Variants in GPC5 observed in about 807,000 individuals in gnomAD.
The protein encoded by GPC5 is glypican-5.
In GPC5, 47 loss-of-function variants were observed where a neutral mutation model predicts 53.9. That is an observed-to-expected ratio of 0.87 (90% CI 0.69 to 1.11). GPC5 has a LOEUF of 1.11. Among genes scored for constraint, GPC5 ranks in the 50% most tolerant of loss-of-function variants. GPC5 has a pLI of 0.00. For synonymous variants in GPC5, 286 were observed against 263.3 expected (o/e 1.09, Z -0.84); for missense variants, 748 against 713.1 (o/e 1.05, Z -0.56).
At chr13:92,378,716 T>C (rs2043714612) in intron 7 of GPC5, among the ~76,000 whole-genome samples, 1 of 152,220 alleles carries the variant, frequency 6.6e-6, no homozygotes, top group Non-Finnish European at 1.5e-5. Context: ...TTGCATTCAT[T>C]ACAATTAAAA....
intron 6 of GPC5, among the ~76,000 whole-genome samples, chr13:91,912,056 G>T (rs1157005297): frequency 6.6e-6 from 1 of 152,152 alleles, no homozygotes; most frequent in Non-Finnish European, 1.5e-5. Flanking sequence ...ATTGTATAAA[G>T]TTGTCACCTT....
intron 2 of GPC5, among the ~76,000 whole-genome samples, chr13:91,458,724 T>C (rs1182614548): frequency 6.6e-6 from 1 of 152,074 alleles, no homozygotes; most frequent in Non-Finnish European, 1.5e-5. Context: ...GGAAAAGAAG[T>C]CATTATATGA....
intron 7 of GPC5, among the ~76,000 whole-genome samples, chr13:92,417,090 G>A (rs771527239): frequency 5.3e-5 from 8 of 152,164 alleles, no homozygotes; most frequent in Non-Finnish European, 1.2e-4. Context: ...AAGTCAAGGA[G>A]TGCACTGAAT....
chr13:92,685,561 T>TTTTTTTTTTTTAAA (rs1491180415), intron 7 of GPC5, among the ~76,000 whole-genome samples: 1 of 100,904 alleles, frequency 9.9e-6, no homozygotes, highest in African/African-American at 3.5e-5. Context: ...TTTTTTTTAA[T>TTTTTTTTTTTTAAA]TTTTTTTTTT....
intron 5 of GPC5, among the ~76,000 whole-genome samples, chr13:91,788,827 G>A (rs80129226): frequency 6.6e-6 from 1 of 152,148 alleles, no homozygotes; most frequent in African/African-American, 2.4e-5. Context: ...AATACATTTG[G>A]GGGGAATAAA....
At position 92,866,368 on chromosome 13, in the gene GPC5, T is replaced by A; in HGVS notation, c.1648T>A (p.Cys550Ser). ...TACTTTAGACACAACAGGAGCAGGA[T>A]GTGCAGTGGCGACTGAATCTATGAC... ...GSTLDTTGAG[C>S]AVATESMTFT... is the part of the protein sequence containing the mutation. Residue 550 changes from cysteine to serine, a missense_variant, in exon 8 of 8, where the codon TGT (cysteine) becomes AGT (serine). Physicochemically the swap from Cys to Ser is moderately radical, Grantham distance 112. Transcript: ENST00000377067. 3.1e-6 allele frequency: 5 copies of A among 1,613,130 alleles called. No homozygotes were observed. Among genetic ancestry groups the A allele is most frequent in the South Asian group, 1.1e-5 (1 of 91,020 alleles).
chr13:92,842,206 A>G (rs1878452439), intron 7 of GPC5, among the ~76,000 whole-genome samples: 1 of 152,138 alleles, frequency 6.6e-6, no homozygotes, highest in Admixed American at 6.6e-5. Flanking sequence ...CCCAACTTAC[A>G]AACTAACAAA....
chr13:92,667,863 ATTG>A (rs1233469640), intron 7 of GPC5, among the ~76,000 whole-genome samples: 2 of 152,160 alleles, frequency 1.3e-5, no homozygotes, highest in Non-Finnish European at 2.9e-5. Context: ...TTATTCTATA[ATTG>A]TTGTTAACCT....
At chr13:91,896,778 A>C (rs890031816) in intron 5 of GPC5, among the ~76,000 whole-genome samples, 3 of 152,196 alleles carry the variant, frequency 2.0e-5, no homozygotes, top group African/African-American at 7.2e-5. Context: ...TTAGGAATCT[A>C]AAAGTCCCTA....
intron 1 of GPC5, among the ~76,000 whole-genome samples, chr13:91,416,481 T>G (rs1181328369): frequency 7.1e-6 from 1 of 140,922 alleles, no homozygotes. Flanking sequence ...TATTATACTT[T>G]AAGTTCTAGG....
At chr13:92,807,355 T>C (rs1877134220) in intron 7 of GPC5, among the ~76,000 whole-genome samples, 1 of 152,108 alleles carries the variant, frequency 6.6e-6, no homozygotes, top group Non-Finnish European at 1.5e-5. Context: ...GCCATCTGTG[T>C]AGCTTGTTCA....
intron 7 of GPC5, among the ~76,000 whole-genome samples, chr13:92,808,469 G>T (rs9556218): frequency 0.16 from 23,909 of 151,846 alleles, 2,306 homozygotes; most frequent in East Asian, 0.33. Context: ...ATGATGGTGC[G>T]GGTGCTGGTG....
At chr13:92,454,612 A>G (rs1878191047) in intron 7 of GPC5, among the ~76,000 whole-genome samples, 1 of 152,176 alleles carries the variant, frequency 6.6e-6, no homozygotes, top group African/African-American at 2.4e-5. Flanking sequence ...GACAAGATAG[A>G]TGTGATCCCT....
intron 2 of GPC5, among the ~76,000 whole-genome samples, chr13:91,623,387 C>T (rs186457503): frequency 1.3e-5 from 2 of 152,126 alleles, no homozygotes; most frequent in African/African-American, 4.8e-5. Flanking sequence ...CTTCTCGAGA[C>T]CATGGTGCAA....
At chr13:91,517,331 G>A (rs913437055) in intron 2 of GPC5, among the ~76,000 whole-genome samples, 3 of 152,140 alleles carry the variant, frequency 2.0e-5, no homozygotes, top group African/African-American at 4.8e-5. Flanking sequence ...CACGCAAAGT[G>A]AATCATCTCT....
intron 7 of GPC5, among the ~76,000 whole-genome samples, chr13:92,632,800 G>C (rs2139135268): frequency 6.6e-6 from 1 of 152,238 alleles, no homozygotes; most frequent in African/African-American, 2.4e-5. Context: ...TACAATCCTG[G>C]TGAAAGGCAA....
intron 7 of GPC5, among the ~76,000 whole-genome samples, chr13:92,795,004 T>G (rs1016299594): frequency 6.6e-6 from 1 of 152,100 alleles, no homozygotes; most frequent in Non-Finnish European, 1.5e-5. Context: ...AAGCTACCAA[T>G]GACTTTCTTA....
chr13:91,538,985 A>C (rs1594225839), intron 2 of GPC5, among the ~76,000 whole-genome samples: 1 of 152,172 alleles, frequency 6.6e-6, no homozygotes, highest in Non-Finnish European at 1.5e-5. Flanking sequence ...TAATCATTAA[A>C]AATACTAACA....
In GPC5 at chr13:91,568,755, T is replaced by A. The variant is rs115717777; in HGVS notation, c.325+119833T>A. On this transcript the variant is annotated intron_variant, in intron 2 of 7. Transcript: ENST00000377067. The stretch of plus-strand genomic sequence containing the variant: ...ACCATATGTTATTTCTTTTTCTTTC[T>A]TTCTTTTTTTTTTTTTTCAGAAGGA... 7.5e-3 allele frequency among the ~76,000 whole-genome samples: 1,131 copies of A among 150,294 alleles called. 14 individuals carry two copies. The highest frequency in any genetic ancestry group is 0.026 in the African/African-American group (1,079 of 41,148).
Sources: gnomAD v4.1 joint callset for allele counts (sites outside exome capture counted in the v4.1 genomes callset) on GRCh38, gnomAD v4.1.1 for gene constraint, MANE v1.5 for transcripts, NCBI Gene and HGNC (gene_info 2026-07-23, HGNC 2026-07-21) for gene names.